The following IQCE variants were observed in gnomAD, a reference collection of about 807,000 sequenced individuals.
The protein encoded by IQCE is IQ domain-containing protein E.
A neutral mutation model predicts 96.0 loss-of-function variants in IQCE; 115 were observed. The ratio of observed to expected loss-of-function variants is 1.20; its 90% CI spans 1.03 to 1.40. The LOEUF (loss-of-function observed/expected upper bound fraction) is 1.40, where lower values mean the gene tolerates loss of function less well. Among genes scored for constraint, IQCE ranks in the 40% most tolerant of loss-of-function variants. IQCE has a pLI of 0.00. For missense variants in IQCE, 1,041 were observed against 909.1 expected (o/e 1.15, Z -1.87); for synonymous variants, 412 against 371.2 (o/e 1.11, Z -1.26).
chr7:2,597,080 G>A (rs760460508), intron 16 of IQCE: 3 of 471,168 alleles, frequency 6.4e-6, no homozygotes, highest in African/African-American at 4.0e-5. Flanking sequence ...GAGGCGGCAG[G>A]GTCGTGCGGA....
rs1408621289 is a variant in IQCE, at chr7:2,606,011, A to G, written c.1865+14A>G. The G allele has an allele frequency of 3.7e-6, 6 of 1,602,472 alleles. No individual in the cohort carries two copies. Among genetic ancestry groups the G allele is most frequent in the Non-Finnish European group, 5.1e-6 (6 of 1,175,728 alleles). The stretch of plus-strand genomic sequence containing the variant: ...GGCCAGGCACAGGTGAGTCAGGGTC[A>G]CGGGGACGTGGGACACAGACATGGC... On this transcript the variant is annotated intron_variant, in intron 20 of 21. Coordinates refer to ENST00000402050, the MANE Select transcript of IQCE (RefSeq NM_152558.5).
At chr7:2,570,876 G>A (rs1166408115) in intron 3 of IQCE, among the ~76,000 whole-genome samples, 1 of 152,110 alleles carries the variant, frequency 6.6e-6, no homozygotes, top group Non-Finnish European at 1.5e-5. Flanking sequence ...CATTAAAAAT[G>A]TGACATGTTA....
At chr7:2,559,365 A>C in intron 1 of IQCE, 148 bp downstream of exon 1, 1 of 362,598 alleles carries the variant, frequency 2.8e-6, no homozygotes, top group Non-Finnish European at 4.6e-6. Flanking sequence ...CATTATTGTT[A>C]CCGCACAAGA....
chr7:2,598,754 C>T (rs955309558), intron 17 of IQCE, 122 bp downstream of exon 17: 32 of 818,736 alleles, frequency 3.9e-5, no homozygotes, highest in Non-Finnish European at 4.8e-5. Flanking sequence ...GTCTGAGCAC[C>T]GTAACATACA....
At chr7:2,593,213 G>T in intron 15 of IQCE, 87 bp downstream of exon 15, 1 of 1,488,532 alleles carries the variant, frequency 6.7e-7, no homozygotes, top group Non-Finnish European at 9.0e-7. Context: ...TCTCAGCCTT[G>T]CTGCCAGCCG....
Position 2,571,658 on chromosome 7 carries a change from T to C in IQCE, c.259+4T>C, listed in dbSNP as rs577379367. On this transcript the variant is annotated splice_donor_region_variant and intron_variant, in intron 4 of 21. Coordinates refer to ENST00000402050, the MANE Select transcript of IQCE (RefSeq NM_152558.5). ...TGGCTGGGAACCGCAAAGCCAGGTA[T>C]GTGGTTGTCGCACTGGAGACCCTTC... is the stretch of plus-strand genomic sequence containing the variant. 1.2e-4 allele frequency: 196 copies of C among 1,598,730 alleles called. 1 individual carries two copies. The South Asian group carries it at 1.4e-3, about 12-fold the overall frequency.
At chr7:2,559,282 C>T (rs991301470) in intron 1 of IQCE, 65 bp downstream of exon 1, 19 of 1,056,418 alleles carry the variant, frequency 1.8e-5, no homozygotes, top group Non-Finnish European at 2.1e-5. Context: ...TCTCCGTCGC[C>T]CGCAGCCTCG....
At chr7:2,578,172 C>CGCGGGGACGTGTGT (rs1782348531) in intron 6 of IQCE, 70 bp from the exon 7 acceptor site, 1 of 1,182,830 alleles carries the variant, frequency 8.5e-7, no homozygotes, top group African/African-American at 1.7e-5. Context: ...TGGCTGTGTG[C>CGCGGGGACGTGTGT]GCGGGGACGT....
chr7:2,585,914 C>T (rs774516719), intron 11 of IQCE, among the ~76,000 whole-genome samples: 20 of 152,212 alleles, frequency 1.3e-4, no homozygotes, highest in Non-Finnish European at 2.8e-4. Flanking sequence ...AACAAGATGC[C>T]TTTCCACAGC....
At position 2,582,639 on chromosome 7, in the gene IQCE, C is replaced by T. The variant is rs367853752; in HGVS notation, c.690C>T (p.Asp230=). ...LKLEQQCKEK[D]GTISKLQTDM... ...TGGAACAGCAGTGCAAGGAGAAGGA[C>T]GGCACCATCAGGTGGGCGCAGGGCT... Residue 230 remains aspartate (D), a synonymous_variant, in exon 9 of 22, where the codon GAC becomes GAT. Transcript: ENST00000402050. 5.6e-5 allele frequency: 91 copies of T among 1,613,822 alleles called. No individual in the cohort carries two copies. In the East Asian group the frequency reaches 6.0e-4, roughly 11 times the overall value.
intron 15 of IQCE, 23 bp from the exon 16 acceptor site, chr7:2,594,863 C>T (rs1783899228): frequency 4.5e-6 from 7 of 1,557,436 alleles, no homozygotes; most frequent in Non-Finnish European, 6.2e-6. Context: ...TGAGGTGTCT[C>T]ATCTTTTCCC....
At chr7:2,591,923 T>TACAGGTAATCTGTGTGTACTTTAGG (rs1783619569) in intron 14 of IQCE, among the ~76,000 whole-genome samples, 1 of 147,948 alleles carries the variant, frequency 6.8e-6, no homozygotes. Flanking sequence ...CACCCGGGCC[T>TACAGGTAATCTGTGTGTACTTTAGG]GCCTCGGCCT....
intron 14 of IQCE, among the ~76,000 whole-genome samples, chr7:2,590,442 T>C (rs1470344037): frequency 6.6e-6 from 1 of 152,220 alleles, no homozygotes; most frequent in Non-Finnish European, 1.5e-5. Flanking sequence ...GCTTACATTT[T>C]GGTGGTAAAA....
chr7:2,594,165 C>T (rs1783834992), intron 15 of IQCE, among the ~76,000 whole-genome samples: 1 of 152,146 alleles, frequency 6.6e-6, no homozygotes, highest in Non-Finnish European at 1.5e-5. Context: ...GAGGCTGAGG[C>T]AGGAGAATAG....
intron 19 of IQCE, 101 bp downstream of exon 19, chr7:2,605,092 C>G (rs978601990): frequency 2.5e-6 from 2 of 795,802 alleles, no homozygotes; most frequent in East Asian, 2.7e-5. Context: ...GCCTCCACAT[C>G]CCCGCCCGCC....
At chr7:2,575,443 C>CTGCTCCT (rs1319496115) in intron 6 of IQCE, among the ~76,000 whole-genome samples, 3 of 152,256 alleles carry the variant, frequency 2.0e-5, no homozygotes, top group Non-Finnish European at 4.4e-5. Flanking sequence ...GCCACCTGTA[C>CTGCTCCT]TGCTCCTGCT....
intron 8 of IQCE, among the ~76,000 whole-genome samples, chr7:2,579,723 G>GTC (rs1225134250): frequency 1.4e-4 from 19 of 140,480 alleles, no homozygotes; most frequent in African/African-American, 4.0e-4. Context: ...GTGTGTGTGT[G>GTC]TGTGTGTGTG....
In IQCE at chr7:2,567,136, A is replaced by G; in HGVS notation, c.57A>G (p.Ala19=). ...ALDTGDDSLS[A]VTFDSDVETK... is the part of the protein sequence containing the mutation. Reference sequence around the variant, plus strand: ...TCCAGGGAGATGACAGTCTGTCTGCAGTCACCTTTGACTCTGATGTGGAGA... The same window carrying G: ...TCCAGGGAGATGACAGTCTGTCTGCGGTCACCTTTGACTCTGATGTGGAGA... The change falls in exon 2 of 22, where the codon GCA becomes GCG. Residue 19 remains alanine, a synonymous_variant. Transcript: ENST00000402050. 1 of 1,613,936 alleles carries G rather than the reference A, an allele frequency of 6.2e-7. No homozygotes were observed. Among genetic ancestry groups the G allele is most frequent in the Non-Finnish European group, 8.5e-7 (1 of 1,179,936 alleles).
In IQCE at chr7:2,593,140, G is replaced by T. The variant is rs1303332689; in HGVS notation, c.1349+14G>T. 6.2e-7 allele frequency: 1 copy of T among 1,606,548 alleles called. No individual in the cohort carries two copies. Among genetic ancestry groups the T allele is most frequent in the Admixed American group, 1.7e-5 (1 of 59,876 alleles). Reference sequence around the variant, plus strand: ...GGAGGTTTTGAGGTATGTGACCCGGGTCAGGGCTGGAGAGGACCCAGGCGA... The same window carrying T: ...GGAGGTTTTGAGGTATGTGACCCGGTTCAGGGCTGGAGAGGACCCAGGCGA... On this transcript the variant is annotated intron_variant, in intron 15 of 21. Transcript: ENST00000402050.
Sources: gnomAD v4.1 joint callset for allele counts (sites outside exome capture counted in the v4.1 genomes callset) on GRCh38, gnomAD v4.1.1 for gene constraint, MANE v1.5 for transcripts, NCBI Gene and HGNC (gene_info 2026-07-23, HGNC 2026-07-21) for gene names.